GRM1: variants seen among roughly 807,000 people sequenced by gnomAD.
GRM1 encodes metabotropic glutamate receptor 1.
A neutral mutation model predicts 90.9 loss-of-function variants in GRM1; 33 were observed. The observed-to-expected ratio is 0.36, with a 90% CI of 0.28 to 0.49. GRM1 has a LOEUF of 0.49. Among genes scored for constraint, GRM1 ranks in the 20% least tolerant of loss-of-function variants. GRM1 has a pLI of 0.99. For synonymous variants in GRM1, 700 were observed against 613.2 expected, an observed-to-expected ratio of 1.14 and a Z score of -2.09; for missense variants, 1,190 against 1,534.3, an observed-to-expected ratio of 0.78 and a Z score of 3.75.
At chr6:146,218,179 G>A (rs991539312) in intron 2 of GRM1, among the ~76,000 whole-genome samples, 5 of 152,258 alleles carry the variant, frequency 3.3e-5, no homozygotes, top group South Asian at 2.1e-4. Context: ...GTGCTGGTGA[G>A]AGGAATAGAC....
chr6:146,365,846 C>T (rs1357047335), intron 5 of GRM1, among the ~76,000 whole-genome samples: 2 of 152,152 alleles, frequency 1.3e-5, no homozygotes, highest in Admixed American at 6.6e-5. Context: ...AGGCAGGCAC[C>T]TATGGTACAG....
intron 1 of GRM1, among the ~76,000 whole-genome samples, chr6:146,129,224 G>C (rs1373933328): frequency 6.6e-6 from 1 of 152,086 alleles, no homozygotes; most frequent in African/African-American, 2.4e-5. Context: ...TGTAGTACAG[G>C]AAGGAGAATA....
At chr6:146,172,917 C>G (rs1235174463) in intron 2 of GRM1, among the ~76,000 whole-genome samples, 1 of 151,984 alleles carries the variant, frequency 6.6e-6, no homozygotes, top group Non-Finnish European at 1.5e-5. Flanking sequence ...ATAAGTTGAT[C>G]AGGGAGATAG....
At chr6:146,396,092 C>CTATCTATCTATG (rs1776920265) in intron 6 of GRM1, among the ~76,000 whole-genome samples, 1 of 144,900 alleles carries the variant, frequency 6.9e-6, no homozygotes, top group South Asian at 2.1e-4. Context: ...ATCTATCTAT[C>CTATCTATCTATG]TATCTATCTA....
intron 5 of GRM1, among the ~76,000 whole-genome samples, chr6:146,375,508 C>A (rs1044971703): frequency 6.6e-6 from 1 of 151,898 alleles, no homozygotes; most frequent in Non-Finnish European, 1.5e-5. Flanking sequence ...AATCTCCAGT[C>A]ATTATTGTAT....
At position 146,159,559 on chromosome 6, in the gene GRM1, G is replaced by A. The variant is rs1245639876; in HGVS notation, c.912G>A (p.Arg304=). Residue 304 remains arginine, a synonymous_variant, in exon 2 of 8, where the codon CGG becomes CGA. Transcript: ENST00000282753. ...MTVRGLLSAM[R]RLGVVGEFSL... is the part of the protein sequence containing the mutation. ...TGCGAGGACTCCTGAGCGCCATGCG[G>A]CGCCTTGGCGTCGTGGGCGAGTTCT... 6.2e-7 allele frequency: 1 copy of A among 1,613,994 alleles called. No homozygotes were observed. Among genetic ancestry groups the A allele is most frequent in the South Asian group, 1.1e-5 (1 of 91,072 alleles).
At chr6:146,303,130 G>C (rs1311617710) in intron 2 of GRM1, among the ~76,000 whole-genome samples, 1 of 152,134 alleles carries the variant, frequency 6.6e-6, no homozygotes, top group South Asian at 2.1e-4. Context: ...GAAGATTCTA[G>C]AGAAGAACTG....
intron 1 of GRM1, among the ~76,000 whole-genome samples, chr6:146,133,182 G>T (rs1776474831): frequency 3.9e-5 from 6 of 152,156 alleles, no homozygotes; most frequent in Admixed American, 3.9e-4. Context: ...TAAAGCTTTT[G>T]GAATTGGAAG....
At chr6:146,091,918 T>C (rs1042080304) in intron 1 of GRM1, among the ~76,000 whole-genome samples, 3 of 152,112 alleles carry the variant, frequency 2.0e-5, no homozygotes, top group African/African-American at 7.2e-5. Flanking sequence ...AACACAAACA[T>C]GGTGGCATCT....
chr6:146,415,572 A>G (rs547718281), intron 7 of GRM1, among the ~76,000 whole-genome samples: 1 of 152,208 alleles, frequency 6.6e-6, no homozygotes, highest in Non-Finnish European at 1.5e-5. Context: ...GTATTCATCT[A>G]TCTTTTTGCA....
intron 2 of GRM1, among the ~76,000 whole-genome samples, chr6:146,242,848 A>G (rs1280966844): frequency 1.3e-5 from 2 of 152,172 alleles, no homozygotes; most frequent in Non-Finnish European, 2.9e-5. Context: ...AGACTTTGTA[A>G]TGATTCCATC....
At chr6:146,259,995 T>C (rs1252393202) in intron 2 of GRM1, among the ~76,000 whole-genome samples, 1 of 148,816 alleles carries the variant, frequency 6.7e-6, no homozygotes, top group Non-Finnish European at 1.5e-5. Flanking sequence ...TATATGTTAG[T>C]GACACTATTT....
At position 146,436,384 on chromosome 6, in the gene GRM1, A is replaced by G. The variant is rs1778594662; in HGVS notation, c.*1588A>G. On this transcript the variant is annotated 3_prime_UTR_variant, in exon 8 of 8. Coordinates refer to ENST00000282753, the MANE Select transcript of GRM1 (RefSeq NM_001278064.2). ...AGAGTGAAAATAAAAGGTACATTTT[A>G]TAAGCTTGCACACATTATTAACACA... 1 of 152,256 alleles carries G rather than the reference A, an allele frequency of 6.6e-6. No homozygotes were observed. The highest frequency in any genetic ancestry group is 2.4e-5 in the African/African-American group (1 of 41,478). 9.4% of individuals were successfully genotyped at this position (152,256 alleles called of 1,614,324 possible).
chr6:146,316,695 T>G (rs1009136982), intron 3 of GRM1, among the ~76,000 whole-genome samples: 2 of 152,184 alleles, frequency 1.3e-5, no homozygotes, highest in Non-Finnish European at 2.9e-5. Context: ...TTATTTCGCA[T>G]CATCATCCTC....
chr6:146,354,670 G>A (rs1785522141), intron 4 of GRM1, among the ~76,000 whole-genome samples: 1 of 152,014 alleles, frequency 6.6e-6, no homozygotes, highest in African/African-American at 2.4e-5. Context: ...TCATACCATC[G>A]TTCATGCTTT....
chr6:146,393,596 C>T lies in GRM1; in HGVS notation c.1730-5173C>T, dbSNP rs532883698. 9.9e-5 allele frequency among the ~76,000 whole-genome samples: 15 copies of T among 152,070 alleles called. No homozygotes were observed. The East Asian group carries it at 2.7e-3, about 28-fold the overall frequency. On this transcript the variant is annotated intron_variant, in intron 6 of 7. Transcript: ENST00000282753. ...GCTTTTGGTGTTTTAGACATGAAAC[C>T]ACTACTCAAGGAAGTAAGAGGACAC... is the stretch of plus-strand genomic sequence containing the variant.
intron 7 of GRM1, chr6:146,426,631 C>T: frequency 6.8e-7 from 1 of 1,463,562 alleles, no homozygotes; most frequent in Non-Finnish European, 9.6e-7. Context: ...AACCCCCACA[C>T]TGCAGTGAAT....
chr6:146,329,637 A>G (rs1410934261), intron 3 of GRM1, among the ~76,000 whole-genome samples: 7 of 152,178 alleles, frequency 4.6e-5, no homozygotes, highest in Admixed American at 1.3e-4. Flanking sequence ...ATGCTCCTTG[A>G]CTTATGATGG....
chr6:146,071,428 T>A (rs1433982130), intron 1 of GRM1, among the ~76,000 whole-genome samples: 3 of 152,180 alleles, frequency 2.0e-5, no homozygotes, highest in African/African-American at 4.8e-5. Flanking sequence ...TCAAGAACCA[T>A]GGATGCATTA....
Sources: gnomAD v4.1 joint callset for allele counts (sites outside exome capture counted in the v4.1 genomes callset) on GRCh38, gnomAD v4.1.1 for gene constraint, MANE v1.5 for transcripts, NCBI Gene and HGNC (gene_info 2026-07-23, HGNC 2026-07-21) for gene names.